GK: variants seen among roughly 807,000 people sequenced by gnomAD.
The protein encoded by GK is glycerol kinase.
A neutral mutation model predicts 56.4 loss-of-function variants in GK; 9 were observed. The ratio of observed to expected loss-of-function variants is 0.16; its 90% confidence interval spans 0.10 to 0.28. The LOEUF is 0.28. GK is among the 10% of genes least tolerant of loss of function. The pLI is 1.00. For synonymous variants in GK, 104 were observed against 144.1 expected, an observed-to-expected ratio of 0.72 and a Z score of 1.99; for missense variants, 161 against 431.4, an observed-to-expected ratio of 0.37 and a Z score of 5.55.
At chrX:30,726,844 A>G (rs1937157139) in intron 19 of GK, among the ~76,000 whole-genome samples, 1 of 111,810 alleles carries the variant, frequency 8.9e-6, no homozygotes, top group South Asian at 3.7e-4. Flanking sequence ...TTAAGTTTCA[A>G]AGCAATTTGC....
intron 13 of GK, among the ~76,000 whole-genome samples, chrX:30,711,455 A>G (rs1338677991): frequency 9.0e-6 from 1 of 110,998 alleles, no homozygotes; most frequent in Non-Finnish European, 1.9e-5. Flanking sequence ...AGGTACTTGG[A>G]TCCAAGTCTG....
At chrX:30,723,161 C>T (rs1014737766) in intron 18 of GK, among the ~76,000 whole-genome samples, 9 of 111,036 alleles carry the variant, frequency 8.1e-5, no homozygotes, top group South Asian at 3.8e-4. Context: ...TTTGGGAAGC[C>T]GAGGCGGGCG....
Position 30,720,534 on chromosome X carries a change from T to C in GK, c.1237-87T>C, listed in dbSNP as rs1936847919. The C allele has an allele frequency of 1.6e-5, 14 of 864,625 alleles. No homozygotes were observed. In the South Asian group the frequency reaches 2.6e-4, roughly 16 times the overall value. The allele number at this position is 864,625 out of a possible 1,213,427, so 71.3% of individuals were successfully genotyped here. A position where few individuals can be genotyped will look rare whatever the true frequency, so the allele number is the denominator to read the frequency against. ...TTATTCCATAGGCTCTTGGAAGCTC[T>C]TGAGAGTTTCTGAGTGGAGGATTGC... On this transcript the variant is annotated intron_variant, in intron 16 of 20. Coordinates refer to ENST00000427190, the MANE Select transcript of GK (RefSeq NM_001205019.2).
intron 2 of GK, 107 bp downstream of exon 2, chrX:30,665,691 A>G: frequency 1.9e-6 from 1 of 524,659 alleles, no homozygotes; most frequent in Non-Finnish European, 3.4e-6. Context: ...ATCCTCCTGA[A>G]AACATTTGAA....
chrX:30,723,273 T>G (rs1936991793), intron 18 of GK, among the ~76,000 whole-genome samples: 1 of 108,966 alleles, frequency 9.2e-6, no homozygotes, highest in African/African-American at 3.3e-5. Flanking sequence ...TGGGCGCCTG[T>G]AGTCCCAGCT....
chrX:30,686,952 A>G (rs1934648916), intron 4 of GK, among the ~76,000 whole-genome samples: 1 of 110,574 alleles, frequency 9.0e-6, no homozygotes, highest in South Asian at 3.8e-4. Flanking sequence ...TTTTTTCCTA[A>G]TTACTTTGGA....
At chrX:30,657,713 G>A (rs1399305548) in intron 1 of GK, among the ~76,000 whole-genome samples, 1 of 111,783 alleles carries the variant, frequency 8.9e-6, no homozygotes, top group Non-Finnish European at 1.9e-5. Context: ...AGTAACTGGT[G>A]GAGCTAGGAT....
rs187911384 is a variant in GK at position 30,687,794 on chromosome X, T to C, written c.338-3329T>C. On this transcript the variant is annotated intron_variant, in intron 4 of 20. Transcript: ENST00000427190. ...TCTTCTCTTTGGCTTTTGGTCTCTC[T>C]GCAAATCTAATTCTGCCATCTTAGC... is the stretch of plus-strand genomic sequence containing the variant. 5.3e-3 allele frequency among the ~76,000 whole-genome samples: 594 copies of C among 112,341 alleles called. 2 individuals are homozygous for C. The highest frequency in any genetic ancestry group is 8.1e-3 in the Non-Finnish European group (431 of 53,290).
chrX:30,681,804 C>T (rs771564629), intron 4 of GK, among the ~76,000 whole-genome samples: 4 of 111,615 alleles, frequency 3.6e-5, no homozygotes, highest in Admixed American at 2.9e-4. Flanking sequence ...CTTTAAAGTA[C>T]TCAAAGAAAG....
intron 3 of GK, among the ~76,000 whole-genome samples, chrX:30,669,207 A>G (rs1471827007): frequency 2.2e-5 from 2 of 90,114 alleles, no homozygotes; most frequent in Admixed American, 1.3e-4. Flanking sequence ...TTTGAGATGG[A>G]GTCTCGATCT....
intron 1 of GK, among the ~76,000 whole-genome samples, chrX:30,656,384 C>CT (rs1290060615): frequency 4.5e-5 from 5 of 112,311 alleles, no homozygotes; most frequent in Non-Finnish European, 9.4e-5. Flanking sequence ...TTTAACTTGA[C>CT]TTTCCTGAGA....
At chrX:30,695,076 C>G (rs1388809616) in intron 6 of GK, 1 of 444,798 alleles carries the variant, frequency 2.2e-6, no homozygotes, top group Non-Finnish European at 3.6e-6. Context: ...ATTCTTTCTC[C>G]CCACAGATAA....
rs1481629347 is a variant in GK at position 30,729,056 on chromosome X, G to A, written c.*314G>A. On this transcript the variant is annotated 3_prime_UTR_variant, in exon 21 of 21. Transcript: ENST00000427190. ...TCCCTCTAAGATGTAGGAAGAATTC[G>A]GATCCTTACCATTGGAATCTTCCAT... 3.0e-5 allele frequency: 9 copies of A among 296,377 alleles called. No individual in the cohort carries two copies. The highest frequency in any genetic ancestry group is 6.6e-5 in the South Asian group (1 of 15,249). 24.4% of individuals were successfully genotyped at this position (296,377 alleles called of 1,213,427 possible). A position where few individuals can be genotyped will look rare whatever the true frequency, so the allele number is the denominator to read the frequency against.
chrX:30,687,303 T>C (rs926351552), intron 4 of GK, among the ~76,000 whole-genome samples: 1 of 111,755 alleles, frequency 8.9e-6, no homozygotes, highest in Non-Finnish European at 1.9e-5. Context: ...GGTATTTACC[T>C]GGTCTTCATC....
At chrX:30,658,377 A>G (rs770403436) in intron 1 of GK, among the ~76,000 whole-genome samples, 1 of 110,320 alleles carries the variant, frequency 9.1e-6, no homozygotes, top group Non-Finnish European at 1.9e-5. Context: ...GTGCAGTGGC[A>G]CGATCTCAGC....
At chrX:30,664,000 G>T (rs1484028762) in intron 1 of GK, among the ~76,000 whole-genome samples, 6 of 78,170 alleles carry the variant, frequency 7.7e-5, no homozygotes, top group Admixed American at 1.7e-4. Context: ...ATATTTTATA[G>T]ATATATATTT....
chrX:30,710,110 C>T (rs1054852204), intron 13 of GK, among the ~76,000 whole-genome samples: 1 of 111,849 alleles, frequency 8.9e-6, no homozygotes, highest in Non-Finnish European at 1.9e-5. Context: ...ACCCTCCTAT[C>T]CCCTTGTTTT....
chrX:30,709,972 TC>T (rs373115612), intron 13 of GK, among the ~76,000 whole-genome samples: 71 of 111,844 alleles, frequency 6.3e-4, no homozygotes, highest in African/African-American at 2.0e-3. Context: ...TTACTGTTAC[TC>T]TTTCAGTTTT....
intron 11 of GK, among the ~76,000 whole-genome samples, chrX:30,707,171 A>G (rs1014444197): frequency 9.0e-6 from 1 of 111,074 alleles, no homozygotes; most frequent in Non-Finnish European, 1.9e-5. Flanking sequence ...TCTACTAAAA[A>G]TAGAAAAAAT....
Sources: gnomAD v4.1 joint callset for allele counts (sites outside exome capture counted in the v4.1 genomes callset) on GRCh38, gnomAD v4.1.1 for gene constraint, MANE v1.5 for transcripts, NCBI Gene and HGNC (gene_info 2026-07-23, HGNC 2026-07-21) for gene names.